Variants in FUT9 observed in about 807,000 individuals in gnomAD.
The protein encoded by FUT9 is fucosyltransferase 9.
A neutral mutation model predicts 29.7 loss-of-function variants in FUT9; 15 were observed. That is an observed-to-expected ratio of 0.51 (90% CI 0.34 to 0.78). FUT9 has a LOEUF of 0.78. FUT9 is among the 30% of genes least tolerant of loss of function. The pLI is 0.01. For missense variants in FUT9, 319 were observed against 425.4 expected (o/e 0.75, Z 2.20); for synonymous variants, 169 against 153.7 (o/e 1.10, Z -0.74).
chr6:96,125,010 A>G (rs1444030619), intron 2 of FUT9, among the ~76,000 whole-genome samples: 1 of 152,220 alleles, frequency 6.6e-6, no homozygotes, highest in Non-Finnish European at 1.5e-5. Flanking sequence ...AGGTTCAGAC[A>G]GAATAACAAG....
intron 2 of FUT9, among the ~76,000 whole-genome samples, chr6:96,131,399 T>C (rs1319224685): frequency 6.6e-6 from 1 of 152,076 alleles, no homozygotes; most frequent in Non-Finnish European, 1.5e-5. Flanking sequence ...CACTGACCAA[T>C]GCAGTTATCC....
chr6:96,156,983 C>T (rs1331337942), intron 2 of FUT9, among the ~76,000 whole-genome samples: 1 of 152,046 alleles, frequency 6.6e-6, no homozygotes, highest in South Asian at 2.1e-4. Context: ...TTCTTTTTCC[C>T]CTCCATTCCT....
At chr6:96,039,878 G>A (rs1445532130) in intron 1 of FUT9, among the ~76,000 whole-genome samples, 1 of 152,080 alleles carries the variant, frequency 6.6e-6, no homozygotes, top group Non-Finnish European at 1.5e-5. Context: ...TTCTTATAAA[G>A]TGTTTCTACA....
chr6:96,192,912 A>G (rs1383713574), intron 2 of FUT9, among the ~76,000 whole-genome samples: 2 of 151,960 alleles, frequency 1.3e-5, no homozygotes, highest in Non-Finnish European at 2.9e-5. Flanking sequence ...ATCTACAACT[A>G]TCTAATCTTT....
chr6:96,060,212 A>G (rs1424861649), intron 1 of FUT9, among the ~76,000 whole-genome samples: 9 of 152,196 alleles, frequency 5.9e-5, no homozygotes, highest in Admixed American at 1.3e-4. Context: ...ACTTATGGGG[A>G]GCCATCCTTT....
At chr6:96,115,784 T>C (rs1024760698) in intron 2 of FUT9, among the ~76,000 whole-genome samples, 1 of 152,192 alleles carries the variant, frequency 6.6e-6, no homozygotes, top group Non-Finnish European at 1.5e-5. Context: ...AAATGGATTT[T>C]TACAGAACCC....
chr6:96,030,595 TATC>T (rs1424595741), intron 1 of FUT9, among the ~76,000 whole-genome samples: 2 of 151,454 alleles, frequency 1.3e-5, no homozygotes, highest in Non-Finnish European at 3.0e-5. Flanking sequence ...AAAATACAAA[TATC>T]ATATGACCCA....
chr6:96,022,979 A>G (rs563889568), intron 1 of FUT9, among the ~76,000 whole-genome samples: 48 of 151,992 alleles, frequency 3.2e-4, no homozygotes, highest in African/African-American at 1.2e-3. Flanking sequence ...ATCATTAGTC[A>G]CAGAAACTGG....
intron 1 of FUT9, among the ~76,000 whole-genome samples, chr6:96,088,982 A>T (rs1771367480): frequency 6.6e-6 from 1 of 152,070 alleles, no homozygotes; most frequent in South Asian, 2.1e-4. Context: ...TTTTGGTTTT[A>T]TTAGGTAAAA....
chr6:96,100,704 C>T (rs1382176597), intron 1 of FUT9, among the ~76,000 whole-genome samples: 2 of 152,104 alleles, frequency 1.3e-5, no homozygotes, highest in African/African-American at 2.4e-5. Flanking sequence ...GAAGAACCCC[C>T]TTTCTTTTCC....
chr6:96,204,028 T>C lies in FUT9; in HGVS notation c.873T>C (p.Asp291=). Reference sequence around the variant, plus strand: ...CAGATTCATTCATTCATGTGGAAGATTATAACTCTCCCAGTGAGCTAGCAA... The same window carrying C: ...CAGATTCATTCATTCATGTGGAAGACTATAACTCTCCCAGTGAGCTAGCAA... ...IPADSFIHVE[D]YNSPSELAKY... Residue 291 remains aspartate (D), a synonymous_variant, in exon 3 of 3, where the codon GAT becomes GAC. Coordinates refer to ENST00000302103, the MANE Select transcript of FUT9 (RefSeq NM_006581.4). 1 of 1,600,474 alleles carries C rather than the reference T, an allele frequency of 6.2e-7. No individual in the cohort carries two copies. The highest frequency in any genetic ancestry group is 8.5e-7 in the Non-Finnish European group (1 of 1,173,348).
At chr6:96,051,125 G>T (rs186235049) in intron 1 of FUT9, among the ~76,000 whole-genome samples, 34 of 151,518 alleles carry the variant, frequency 2.2e-4, no homozygotes, top group African/African-American at 8.2e-4. Flanking sequence ...AGTAAATATT[G>T]CCAATTCTCA....
chr6:96,130,168 A>T (rs945207097), intron 2 of FUT9, among the ~76,000 whole-genome samples: 2 of 152,106 alleles, frequency 1.3e-5, no homozygotes, highest in African/African-American at 4.8e-5. Context: ...TTGACAAGTA[A>T]AAAGAAAAAG....
chr6:96,096,220 T>G (rs145136039), intron 1 of FUT9, among the ~76,000 whole-genome samples: 150 of 152,248 alleles, frequency 9.9e-4, no homozygotes, highest in African/African-American at 3.5e-3. Context: ...GCTTCCTTGA[T>G]TCCTTTCTCT....
intron 2 of FUT9, among the ~76,000 whole-genome samples, chr6:96,202,862 A>G (rs1773753102): frequency 6.6e-6 from 1 of 152,130 alleles, no homozygotes; most frequent in African/African-American, 2.4e-5. Context: ...TCTACAAGCA[A>G]ATAAAAGTAG....
intron 1 of FUT9, among the ~76,000 whole-genome samples, chr6:96,020,297 AT>A (rs1473995954): frequency 2.0e-5 from 3 of 152,168 alleles, no homozygotes; most frequent in East Asian, 3.8e-4. Flanking sequence ...TGACTGAAAA[AT>A]ATTCCTAAAA....
intron 1 of FUT9, among the ~76,000 whole-genome samples, chr6:96,062,750 G>A (rs941435155): frequency 3.9e-5 from 6 of 152,148 alleles, no homozygotes; most frequent in South Asian, 2.1e-4. Flanking sequence ...AGTAGGTAAT[G>A]TTTTTATAAA....
intron 1 of FUT9, among the ~76,000 whole-genome samples, chr6:96,103,104 A>T (rs1771616234): frequency 6.6e-6 from 1 of 152,150 alleles, no homozygotes; most frequent in Non-Finnish European, 1.5e-5. Context: ...GAATGGCCAA[A>T]TGCTTGAATG....
chr6:96,082,802 T>A (rs1346960646), intron 1 of FUT9, among the ~76,000 whole-genome samples: 2 of 151,964 alleles, frequency 1.3e-5, no homozygotes, highest in Non-Finnish European at 2.9e-5. Context: ...AACTCTAACT[T>A]ACTGGGGATT....
Sources: allele counts gnomAD v4.1 joint callset (sites outside exome capture counted in the v4.1 genomes callset), GRCh38; gene constraint gnomAD v4.1.1; transcripts MANE v1.5; gene names NCBI Gene and HGNC (gene_info 2026-07-23, HGNC 2026-07-21).